The following TMEM132E variants were observed in gnomAD, a reference collection of about 807,000 sequenced individuals.
TMEM132E encodes transmembrane protein 132E.
Under a neutral mutation model 78.5 loss-of-function variants are expected in TMEM132E, and 49 were observed. That is an observed-to-expected ratio of 0.62 (90% CI 0.50 to 0.79). TMEM132E has a LOEUF of 0.79. Ranked by LOEUF, TMEM132E falls within the 30% of genes least tolerant of loss-of-function variation. The pLI, the probability that TMEM132E is intolerant of heterozygous loss-of-function variation, is 0.00. For synonymous variants in TMEM132E, 715 were observed against 670.6 expected (o/e 1.07, Z -1.02); for missense variants, 1,403 against 1,470.9 (o/e 0.95, Z 0.75).
intron 5 of TMEM132E, 21 bp downstream of exon 5, chr17:34,630,172 GC>G (rs1196799574): frequency 1.2e-6 from 2 of 1,602,824 alleles, no homozygotes; most frequent in Admixed American, 3.3e-5. Flanking sequence ...TGGAGGTGGG[GC>G]CCCTGGGGAA....
chr17:34,627,101 C>T (rs770671873), intron 2 of TMEM132E, 44 bp downstream of exon 2: 1 of 627,726 alleles, frequency 1.6e-6, no homozygotes, highest in Non-Finnish European at 2.9e-6. Context: ...CTTCCAAGAT[C>T]AAATGCATAC....
intron 1 of TMEM132E, among the ~76,000 whole-genome samples, chr17:34,585,212 G>A (rs1905625945): frequency 6.6e-6 from 1 of 152,250 alleles, no homozygotes. Context: ...GAGCTTTATT[G>A]GAATCCATTC....
At chr17:34,628,912 G>A in intron 3 of TMEM132E, 100 bp from the exon 4 acceptor site, 1 of 1,431,976 alleles carries the variant, frequency 7.0e-7, no homozygotes, top group Non-Finnish European at 9.4e-7. Flanking sequence ...CCATCAGGCA[G>A]CTGCCGGGGA....
At chr17:34,596,037 G>A (rs572569717) in intron 1 of TMEM132E, among the ~76,000 whole-genome samples, 11 of 101,542 alleles carry the variant, frequency 1.1e-4, no homozygotes, top group Admixed American at 1.0e-3. Context: ...TCCCTCTCAC[G>A]TCTCTCTGTC....
intron 1 of TMEM132E, among the ~76,000 whole-genome samples, chr17:34,586,224 T>C (rs1305934072): frequency 6.6e-6 from 1 of 152,170 alleles, no homozygotes; most frequent in Non-Finnish European, 1.5e-5. Context: ...AGGGTCTTCC[T>C]TACTTCTTCC....
intron 1 of TMEM132E, among the ~76,000 whole-genome samples, chr17:34,606,693 G>C (rs1446223381): frequency 1.3e-5 from 2 of 152,204 alleles, no homozygotes; most frequent in African/African-American, 4.8e-5. Flanking sequence ...CCCCTGGCAA[G>C]TTGGAGGAGC....
rs760610543 is a variant in TMEM132E, at chr17:34,635,001, T to A, written c.1891T>A (p.Phe631Ile). 1 of 1,614,076 alleles carries A rather than the reference T, an allele frequency of 6.2e-7. No individual in the cohort carries two copies. Residue 631 changes from phenylalanine (F) to isoleucine (I), a missense_variant, in exon 7 of 9, where the codon TTC (phenylalanine) becomes ATC (isoleucine). By Grantham distance (21) the Phe-to-Ile change is conservative (BLOSUM62 0). Transcript: ENST00000631683. ...GGAGGTCACCGACCTAGTCAGTGAC[T>A]TCATGCGGGTGGGCGATCCCCGAGT... ...LVEVTDLVSD[F>I]MRVGDPRVAH...
chr17:34,627,022 G>A lies in TMEM132E; in HGVS notation c.963G>A (p.Ser321=), dbSNP rs1357030684. 6.2e-7 allele frequency: 1 copy of A among 1,613,362 alleles called. No individual in the cohort carries two copies. Among genetic ancestry groups the A allele is most frequent in the Admixed American group, 1.7e-5 (1 of 59,986 alleles). ...TCTATCTGGCCCCCAACTCCTCCTC[G>A]CCCTCCAGCCCCAGCGTGGAGCACT... is the stretch of plus-strand genomic sequence containing the variant. ...ILLYLAPNSS[S]PSSPSVEHFT... The change falls in exon 2 of 9, where the codon TCG becomes TCA. Residue 321 remains serine (S), a synonymous_variant. Transcript: ENST00000631683.
intron 1 of TMEM132E, among the ~76,000 whole-genome samples, chr17:34,584,897 C>T (rs1336833505): frequency 6.6e-6 from 1 of 152,158 alleles, no homozygotes; most frequent in East Asian, 1.9e-4. Flanking sequence ...AAAACGTGTC[C>T]TCACCTCCAT....
intron 1 of TMEM132E, among the ~76,000 whole-genome samples, chr17:34,595,244 T>C (rs962389802): frequency 6.6e-6 from 1 of 152,224 alleles, no homozygotes; most frequent in African/African-American, 2.4e-5. Context: ...AGCAACCTGA[T>C]AGGGGTCACT....
chr17:34,585,955 C>T (rs1422908814), intron 1 of TMEM132E, among the ~76,000 whole-genome samples: 3 of 152,200 alleles, frequency 2.0e-5, no homozygotes, highest in Non-Finnish European at 4.4e-5. Flanking sequence ...ACTTTGTCAT[C>T]AGTTTGCTGT....
intron 1 of TMEM132E, among the ~76,000 whole-genome samples, chr17:34,591,943 G>C (rs541962525): frequency 6.6e-6 from 1 of 152,218 alleles, no homozygotes; most frequent in South Asian, 2.1e-4. Flanking sequence ...CCCACGGTGT[G>C]TTTGGAAGTA....
At chr17:34,616,932 G>A (rs752048771) in intron 1 of TMEM132E, among the ~76,000 whole-genome samples, 1 of 152,244 alleles carries the variant, frequency 6.6e-6, no homozygotes, top group African/African-American at 2.4e-5. Context: ...ACCGGGCTTG[G>A]CGAGCAGAGC....
At chr17:34,608,710 C>T (rs939858439) in intron 1 of TMEM132E, among the ~76,000 whole-genome samples, 1 of 152,202 alleles carries the variant, frequency 6.6e-6, no homozygotes, top group Non-Finnish European at 1.5e-5. Context: ...GGCAGCAAGA[C>T]GCAGCCGTGG....
chr17:34,634,907 C>T lies in TMEM132E; in HGVS notation c.1797C>T (p.Thr599=). 1 of 1,614,154 alleles carries T rather than the reference C, an allele frequency of 6.2e-7. No homozygotes were observed. The highest frequency in any genetic ancestry group is 8.5e-7 in the Non-Finnish European group (1 of 1,180,030). ...QYQHATLQVF[T]QFHTTSSEGT... ...AGCATGCCACCCTGCAGGTCTTCAC[C>T]CAGTTCCACACGACATCATCCGAGG... Residue 599 remains threonine (T), a synonymous_variant, in exon 7 of 9, where the codon ACC becomes ACT. Transcript: ENST00000631683.
At chr17:34,589,761 G>T (rs762203410) in intron 1 of TMEM132E, among the ~76,000 whole-genome samples, 1 of 152,132 alleles carries the variant, frequency 6.6e-6, no homozygotes, top group Non-Finnish European at 1.5e-5. Flanking sequence ...CCCTGCCACC[G>T]CATGACGGCT....
In TMEM132E at chr17:34,626,802, C is replaced by A. The variant is rs1443327426; in HGVS notation, c.743C>A (p.Ser248Tyr). 6.6e-7 allele frequency: 1 copy of A among 1,521,606 alleles called. No individual in the cohort carries two copies. Among genetic ancestry groups the A allele is most frequent in the African/African-American group, 1.4e-5 (1 of 72,762 alleles). 94.3% of individuals were successfully genotyped at this position (1,521,606 alleles called of 1,614,324 possible). Reference protein sequence around the residue: ...APDASGGCGGSRRGAGPGVGA... With the variant: ...APDASGGCGGYRRGAGPGVGA... ...GATGCGTCGGGGGGCTGCGGGGGCT[C>A]CCGCCGGGGGGCCGGGCCCGGGGTG... is the stretch of plus-strand genomic sequence containing the variant. Residue 248 changes from serine to tyrosine, a missense_variant, in exon 2 of 9, where the codon TCC (serine) becomes TAC (tyrosine). Ser to Tyr is a moderately radical substitution (Grantham distance 144). This residue lies in a region of TMEM132E where 511 missense variants were observed against 499.0 expected (regional missense o/e 1.02). Transcript: ENST00000631683.
intron 1 of TMEM132E, among the ~76,000 whole-genome samples, chr17:34,623,301 G>A (rs564828095): frequency 1.5e-4 from 23 of 152,232 alleles, no homozygotes; most frequent in African/African-American, 4.1e-4. Context: ...ATGGTCAGCC[G>A]TGAAGTTGGA....
Position 34,638,096 on chromosome 17 carries a change from C to G in TMEM132E, c.3089C>G (p.Ser1030Trp), listed in dbSNP as rs773697522. 1 of 1,595,864 alleles carries G rather than the reference C, an allele frequency of 6.3e-7. No individual in the cohort carries two copies. Among genetic ancestry groups the G allele is most frequent in the Non-Finnish European group, 8.5e-7 (1 of 1,171,464 alleles). Residue 1030 changes from serine to tryptophan, a missense_variant, in exon 9 of 9, where the codon TCG becomes TGG. Ser to Trp is a radical substitution (Grantham distance 177). Transcript: ENST00000631683. ...TLPSEELAYD[S>W]VPAGEEDEEE... is the part of the protein sequence containing the mutation. ...CCGTCAGAGGAGCTGGCCTATGACT[C>G]GGTGCCCGCGGGCGAAGAGGACGAG... is the stretch of plus-strand genomic sequence containing the variant.
Sources: gnomAD v4.1 joint callset for allele counts (sites outside exome capture counted in the v4.1 genomes callset) on GRCh38, gnomAD v4.1.1 for gene constraint, gnomAD v4.1.1 regional missense constraint, MANE v1.5 for transcripts, NCBI Gene and HGNC (gene_info 2026-07-23, HGNC 2026-07-21) for gene names.